TMEM132C: variants seen among roughly 807,000 people sequenced by gnomAD.
The protein encoded by TMEM132C is transmembrane protein 132C.
TMEM132C carries 29 observed loss-of-function variants against 61.4 expected under a neutral mutation model. The observed-to-expected ratio is 0.47, with a 90% confidence interval of 0.35 to 0.64. The LOEUF (loss-of-function observed/expected upper bound fraction) is 0.64, where lower values mean the gene tolerates loss of function less well. Ranked by LOEUF, TMEM132C falls within the 30% of genes least tolerant of loss-of-function variation. The pLI, the probability that TMEM132C is intolerant of heterozygous loss-of-function variation, is 0.00. For synonymous variants in TMEM132C, 656 were observed against 633.1 expected, an observed-to-expected ratio of 1.04 and a Z score of -0.54; for missense variants, 1,408 against 1,476.9, an observed-to-expected ratio of 0.95 and a Z score of 0.76.
chr12:128,502,495 A>T (rs1284866240), intron 2 of TMEM132C, among the ~76,000 whole-genome samples: 1 of 152,214 alleles, frequency 6.6e-6, no homozygotes, highest in East Asian at 1.9e-4. Context: ...TATTGGAAGA[A>T]CACATTGGCA....
At chr12:128,515,999 C>T (rs1007680805) in intron 2 of TMEM132C, among the ~76,000 whole-genome samples, 6 of 152,114 alleles carry the variant, frequency 3.9e-5, no homozygotes, top group African/African-American at 1.4e-4. Context: ...GCATCACCCG[C>T]CCTGTGGTTC....
At chr12:128,654,401 T>C (rs764788112) in intron 4 of TMEM132C, among the ~76,000 whole-genome samples, 3 of 152,112 alleles carry the variant, frequency 2.0e-5, no homozygotes, top group Non-Finnish European at 4.4e-5. Context: ...ACGGCCCTGC[T>C]CACAACTTGA....
chr12:128,326,281 C>A lies in TMEM132C; in HGVS notation c.85+58794C>A, dbSNP rs185247725. ...CCACCACCATCACTCCATGAACCCC[C>A]CAGCCTCCCTGGGCTCTTCTCCGTG... On this transcript the variant is annotated intron_variant, in intron 1 of 8. Transcript: ENST00000435159. This position sits in a 1 kb window ranked among gnomAD's most constrained non-coding sequence, Gnocchi z 5.6. 6.6e-6 allele frequency among the ~76,000 whole-genome samples: 1 copy of A among 152,248 alleles called. No individual in the cohort carries two copies. Among genetic ancestry groups the A allele is most frequent in the African/African-American group, 2.4e-5 (1 of 41,538 alleles).
At chr12:128,687,503 G>A (rs1019844582) in intron 5 of TMEM132C, among the ~76,000 whole-genome samples, 1 of 152,140 alleles carries the variant, frequency 6.6e-6, no homozygotes, top group African/African-American at 2.4e-5. Context: ...AGAGCTGAAG[G>A]ACATGAAGAA....
chr12:128,403,295 G>A (rs935467737), intron 1 of TMEM132C, among the ~76,000 whole-genome samples: 3 of 152,184 alleles, frequency 2.0e-5, no homozygotes, highest in African/African-American at 7.2e-5. Context: ...GGAAAATCCA[G>A]TCAGGGCTCT....
At position 128,489,018 on chromosome 12, in the gene TMEM132C, G is replaced by C. The variant is rs570924792; in HGVS notation, c.975-54939G>C. 1.7e-4 allele frequency among the ~76,000 whole-genome samples: 26 copies of C among 152,226 alleles called. No homozygotes were observed. In the South Asian group the frequency reaches 3.7e-3, roughly 22 times the overall value. On this transcript the variant is annotated intron_variant, in intron 2 of 8. Transcript: ENST00000435159. ...AATACATATGGAGGATCCTTTCAAG[G>C]CTGTTCCTCCTGGGGTGCTTTAGAG...
At chr12:128,431,657 C>T (rs938012537) in intron 2 of TMEM132C, among the ~76,000 whole-genome samples, 2 of 147,360 alleles carry the variant, frequency 1.4e-5, no homozygotes, top group East Asian at 2.1e-4. Context: ...CGGGTTCAAG[C>T]GATTCTCCTA....
Position 128,697,308 on chromosome 12 carries a change from A to T in TMEM132C, c.2014A>T (p.Ile672Phe). 1 of 1,551,278 alleles carries T rather than the reference A, an allele frequency of 6.4e-7. No individual in the cohort carries two copies. Among genetic ancestry groups the T allele is most frequent in the South Asian group, 1.2e-5 (1 of 84,000 alleles). The change falls in exon 8 of 9, where the codon ATC (isoleucine) becomes TTC (phenylalanine). Residue 672 changes from isoleucine to phenylalanine, a missense_variant. Transcript: ENST00000435159. ...CAAAGTATCGGTGACAGACTTGGCCATCCAGCTCGTGGCTGGGCTGTCTGT... is the reference window on the plus strand; with the variant it reads ...CAAAGTATCGGTGACAGACTTGGCCTTCCAGCTCGTGGCTGGGCTGTCTGT... Reference protein sequence around the residue: ...DDKVSVTDLAIQLVAGLSVAL... With the variant: ...DDKVSVTDLAFQLVAGLSVAL...
intron 1 of TMEM132C, among the ~76,000 whole-genome samples, chr12:128,285,637 TTCTCTC>T (rs140507851): frequency 7.6e-6 from 1 of 132,092 alleles, no homozygotes; most frequent in East Asian, 2.4e-4. Flanking sequence ...GACATATTCA[TTCTCTC>T]TCTCTCTCTC....
chr12:128,578,888 A>G (rs1225500272), intron 3 of TMEM132C, among the ~76,000 whole-genome samples: 5 of 151,120 alleles, frequency 3.3e-5, no homozygotes, highest in Non-Finnish European at 7.4e-5. Context: ...GTGAGCCACC[A>G]TGCCCAGCCG....
At chr12:128,676,765 T>C (rs1954592124) in intron 5 of TMEM132C, among the ~76,000 whole-genome samples, 1 of 152,258 alleles carries the variant, frequency 6.6e-6, no homozygotes. Flanking sequence ...AGCCATATCC[T>C]TATGCATTTC....
intron 2 of TMEM132C, among the ~76,000 whole-genome samples, chr12:128,519,456 A>G (rs973844291): frequency 6.6e-6 from 1 of 152,220 alleles, no homozygotes; most frequent in African/African-American, 2.4e-5. Flanking sequence ...TGTCCCTTCA[A>G]AGTCTTAAGA....
chr12:128,657,904 A>G (rs931860430), intron 4 of TMEM132C, among the ~76,000 whole-genome samples: 2 of 152,238 alleles, frequency 1.3e-5, no homozygotes, highest in African/African-American at 4.8e-5. Flanking sequence ...CCAGGCACTG[A>G]CCTGGGATTT....
intron 3 of TMEM132C, among the ~76,000 whole-genome samples, chr12:128,588,271 A>C (rs11831784): frequency 0.081 from 12,276 of 152,012 alleles, 633 homozygotes; most frequent in African/African-American, 0.14. Context: ...CCATCTCTAC[A>C]AAAAATTTTT....
intron 2 of TMEM132C, among the ~76,000 whole-genome samples, chr12:128,530,281 G>T (rs549895508): frequency 6.6e-6 from 1 of 152,102 alleles, no homozygotes; most frequent in Non-Finnish European, 1.5e-5. Context: ...CTTCACCAGG[G>T]CTGTGCTGGT....
intron 3 of TMEM132C, among the ~76,000 whole-genome samples, chr12:128,564,430 C>T (rs1479373655): frequency 6.6e-6 from 1 of 152,198 alleles, no homozygotes; most frequent in Non-Finnish European, 1.5e-5. Flanking sequence ...GATTCAAGTA[C>T]AAACTGTGCC....
intron 1 of TMEM132C, among the ~76,000 whole-genome samples, chr12:128,333,807 G>C (rs1397285933): frequency 6.6e-6 from 1 of 151,592 alleles, no homozygotes; most frequent in East Asian, 1.9e-4. Flanking sequence ...TGTTTGTGGT[G>C]TGTGTTGTAT....
chr12:128,616,388 C>T, intron 4 of TMEM132C, 53 bp downstream of exon 4: 1 of 1,470,110 alleles, frequency 6.8e-7, no homozygotes, highest in South Asian at 1.3e-5. Context: ...TGACTGCATC[C>T]TGTGTCCTTC....
At chr12:128,333,181 AGTGT>A (rs200162594) in intron 1 of TMEM132C, among the ~76,000 whole-genome samples, 5 of 144,802 alleles carry the variant, frequency 3.5e-5, no homozygotes, top group Admixed American at 6.9e-5. Context: ...TGTGTGTGGG[AGTGT>A]GTGTGTGTAG....
Sources: gnomAD v4.1 joint callset for allele counts (sites outside exome capture counted in the v4.1 genomes callset) on GRCh38, gnomAD v4.1.1 for gene constraint, Gnocchi (gnomAD v3.1) non-coding constraint, MANE v1.5 for transcripts, NCBI Gene and HGNC (gene_info 2026-07-23, HGNC 2026-07-21) for gene names.